NEDD1: variants seen among roughly 807,000 people sequenced by gnomAD.
NEDD1 encodes NEDD1 gamma-tubulin ring complex targeting factor, also known as protein NEDD1.
In NEDD1, 33 loss-of-function variants were observed where a neutral mutation model predicts 74.0. The observed-to-expected ratio is 0.45, with a 90% CI of 0.34 to 0.60. The LOEUF (loss-of-function observed/expected upper bound fraction) is 0.60. NEDD1 is among the 20% of genes least tolerant of loss of function. The pLI is 0.01. For synonymous variants in NEDD1, 250 were observed against 264.4 expected, an observed-to-expected ratio of 0.95 and a Z score of 0.53; for missense variants, 746 against 776.5, an observed-to-expected ratio of 0.96 and a Z score of 0.47.
At chr12:96,934,103 T>A (rs561138701) in intron 6 of NEDD1, among the ~76,000 whole-genome samples, 28 of 152,304 alleles carry the variant, frequency 1.8e-4, no homozygotes, top group Non-Finnish European at 2.6e-4. Context: ...AATTTTTTTT[T>A]AAATTATGCT....
In NEDD1 at chr12:96,945,775, G is replaced by A; in HGVS notation, c.1737G>A (p.Arg579=). 6.2e-7 allele frequency: 1 copy of A among 1,610,886 alleles called. No individual in the cohort carries two copies. Among genetic ancestry groups the A allele is most frequent in the Non-Finnish European group, 8.5e-7 (1 of 1,177,166 alleles). ...EKIADSIGNN[R]QNAPLTSIQI... ...TAGCCGACAGCATTGGAAATAACCG[G>A]CAAAATGCACCATTGACTTCCATTC... Residue 579 remains arginine (R), a synonymous_variant, in exon 14 of 16, where the codon CGG becomes CGA. Transcript: ENST00000266742.
rs1207863026 is a variant in NEDD1 at position 96,934,944 on chromosome 12, AT to A, written c.490-30del. On this transcript the variant is annotated intron_variant, in intron 6 of 15. Coordinates refer to ENST00000266742, the MANE Select transcript of NEDD1 (RefSeq NM_152905.4). ...TCAAATGTCCTTATGAATGCTTATA[AT>A]TACATAAAATTTATTCTTTCATTTT... 1.5e-5 allele frequency: 6 copies of A among 391,476 alleles called. No homozygotes were observed. The Middle Eastern group carries it at 1.8e-3, about 115-fold the overall frequency. 24.3% of individuals were successfully genotyped at this position (391,476 alleles called of 1,614,324 possible).
intron 6 of NEDD1, among the ~76,000 whole-genome samples, chr12:96,931,631 C>A (rs916933615): frequency 2.6e-5 from 4 of 152,074 alleles, no homozygotes; most frequent in African/African-American, 9.7e-5. Flanking sequence ...AGAGTACTTG[C>A]AAATCAGAAG....
chr12:96,950,812 A>C (rs1484068891), intron 14 of NEDD1, among the ~76,000 whole-genome samples: 2 of 152,010 alleles, frequency 1.3e-5, no homozygotes, highest in South Asian at 4.1e-4. Context: ...GTTCTAGTTC[A>C]TAAGTTGTGT....
intron 6 of NEDD1, among the ~76,000 whole-genome samples, chr12:96,930,881 ACT>A (rs1182919267): frequency 6.6e-6 from 1 of 152,074 alleles, no homozygotes; most frequent in Non-Finnish European, 1.5e-5. Flanking sequence ...TCATTCAGAA[ACT>A]CTGCCACCAC....
intron 10 of NEDD1, among the ~76,000 whole-genome samples, chr12:96,941,575 A>C (rs1877666281): frequency 6.6e-6 from 1 of 152,056 alleles, no homozygotes; most frequent in Non-Finnish European, 1.5e-5. Flanking sequence ...AAAAGTGACT[A>C]GTGCTGGAGT....
In NEDD1 at chr12:96,932,457, AAAAAAAAT is replaced by A. The variant is rs1320573642; in HGVS notation, c.490-2517_490-2510del. 4.9e-3 allele frequency among the ~76,000 whole-genome samples: 62 copies of A among 12,768 alleles called. 1 individual carries two copies. Among genetic ancestry groups the A allele is most frequent in the African/African-American group, 0.012 (58 of 4,746 alleles). The allele number at this position is 12,768 out of a possible 152,430, so 8.4% of individuals were successfully genotyped here. On this transcript the variant is annotated intron_variant, in intron 6 of 15. Coordinates refer to ENST00000266742, the MANE Select transcript of NEDD1 (RefSeq NM_152905.4). Reference sequence around the variant, plus strand: ...TCCTGTCTCTTAAAAAAAAAAAAAAAAAAAAAATATATATATATATATATATATATAAA... The same window carrying A: ...TCCTGTCTCTTAAAAAAAAAAAAAAAATATATATATATATATATATATAAA...
chr12:96,953,593 G>A lies in NEDD1; in HGVS notation c.*1540G>A, dbSNP rs1878889637. 6.6e-6 allele frequency: 1 copy of A among 151,662 alleles called. No individual in the cohort carries two copies. Among genetic ancestry groups the A allele is most frequent in the Non-Finnish European group, 1.5e-5 (1 of 67,750 alleles). The allele number at this position is 151,662 out of a possible 1,614,324, so 9.4% of individuals were successfully genotyped here. On this transcript the variant is annotated 3_prime_UTR_variant, in exon 16 of 16. Transcript: ENST00000266742. The stretch of plus-strand genomic sequence containing the variant: ...TAATGTATATTAAAAGAGGTGGGAT[G>A]AAATAATTTTAGTAATTATGTGTAC...
chr12:96,946,667 A>G (rs1878228658), intron 14 of NEDD1, among the ~76,000 whole-genome samples: 1 of 152,200 alleles, frequency 6.6e-6, no homozygotes, highest in South Asian at 2.1e-4. Flanking sequence ...ATCTGCCACA[A>G]AGGCCTTGTG....
In NEDD1 at chr12:96,912,757, C is replaced by A. The variant is rs1196001671; in HGVS notation, c.171C>A (p.Asp57Glu). The change falls in exon 4 of 16, where the codon GAC (aspartate) becomes GAA (glutamate). Residue 57 changes from aspartate (D) to glutamate (E), a missense_variant. Around this residue, in one of 3 missense-constraint regions of NEDD1, gnomAD observed 706 missense variants for 706.7 expected, o/e 1.00. Coordinates refer to ENST00000266742, the MANE Select transcript of NEDD1 (RefSeq NM_152905.4). ...NFLVTASSSG[D>E]KIVVSSCKCK... Reference sequence around the variant, plus strand: ...TAGTAACAGCATCTTCCAGTGGCGACAAAATAGTTGTCTCAAGTTGCAAAT... The same window carrying A: ...TAGTAACAGCATCTTCCAGTGGCGAAAAAATAGTTGTCTCAAGTTGCAAAT... 4 of 1,608,404 alleles carry A rather than the reference C, an allele frequency of 2.5e-6. No homozygotes were observed. In the South Asian group the frequency reaches 4.4e-5, roughly 18 times the overall value.
chr12:96,912,857 A>C (rs1263918596), intron 4 of NEDD1, 40 bp downstream of exon 4: 2 of 1,068,616 alleles, frequency 1.9e-6, no homozygotes, highest in South Asian at 2.8e-5. Context: ...TAAAAATCTT[A>C]GTTTTGCTTG....
intron 2 of NEDD1, 128 bp from the exon 3 acceptor site, chr12:96,909,624 G>C: frequency 1.4e-6 from 1 of 691,326 alleles, no homozygotes; most frequent in Non-Finnish European, 2.4e-6. Context: ...CAACTGCTTT[G>C]GTGACTGCAC....
chr12:96,910,658 C>A (rs114539251), intron 3 of NEDD1, among the ~76,000 whole-genome samples: 1 of 152,116 alleles, frequency 6.6e-6, no homozygotes, highest in Non-Finnish European at 1.5e-5. Context: ...GGTCTTCACC[C>A]GTTAGGTACC....
At chr12:96,917,501 T>A in intron 4 of NEDD1, 120 bp from the exon 5 acceptor site, 2 of 1,147,634 alleles carry the variant, frequency 1.7e-6, no homozygotes, top group Non-Finnish European at 2.3e-6. Context: ...AAGATTAGCA[T>A]GTTTATAGTA....
At chr12:96,932,463 AATATAT>A (rs1555203253) in intron 6 of NEDD1, among the ~76,000 whole-genome samples, 1 of 9,438 alleles carries the variant, frequency 1.1e-4, no homozygotes, top group African/African-American at 3.4e-4. Context: ...AAAAAAAAAA[AATATAT>A]ATATATATAT....
In NEDD1 at chr12:96,953,092, G is replaced by A. The variant is rs1565819601; in HGVS notation, c.*1039G>A. The A allele has an allele frequency of 6.6e-6, 1 of 151,084 alleles. No homozygotes were observed. The highest frequency in any genetic ancestry group is 2.4e-5 in the African/African-American group (1 of 41,236). The allele number at this position is 151,084 out of a possible 1,614,324, so 9.4% of individuals were successfully genotyped here. On this transcript the variant is annotated 3_prime_UTR_variant, in exon 16 of 16. Coordinates refer to ENST00000266742, the MANE Select transcript of NEDD1 (RefSeq NM_152905.4). ...TACAATTTTAGGTTAAGTGAAGCTT[G>A]GGGGGGCTACTGACTTGGTTACCTT... is the stretch of plus-strand genomic sequence containing the variant.
intron 6 of NEDD1, among the ~76,000 whole-genome samples, chr12:96,930,423 G>A (rs371018670): frequency 1.3e-5 from 2 of 152,262 alleles, no homozygotes; most frequent in Non-Finnish European, 1.5e-5. Context: ...GAAACCAGAT[G>A]TTAACTTCCA....
chr12:96,943,979 T>TA (rs1555205174), intron 12 of NEDD1, among the ~76,000 whole-genome samples: 7 of 152,274 alleles, frequency 4.6e-5, no homozygotes, highest in Non-Finnish European at 7.4e-5. Flanking sequence ...TAAGATGAGA[T>TA]ACTTGATATA....
chr12:96,930,695 C>CT (rs1404764281), intron 6 of NEDD1, among the ~76,000 whole-genome samples: 2 of 152,160 alleles, frequency 1.3e-5, no homozygotes, highest in African/African-American at 4.8e-5. Context: ...GTGAGCCACT[C>CT]TTACGAGTTA....
Sources: gnomAD v4.1 joint callset for allele counts (sites outside exome capture counted in the v4.1 genomes callset) on GRCh38, gnomAD v4.1.1 for gene constraint, gnomAD v4.1.1 regional missense constraint, MANE v1.5 for transcripts, NCBI Gene and HGNC (gene_info 2026-07-23, HGNC 2026-07-21) for gene names.